The following RNLS variants were observed in gnomAD, a reference collection of about 807,000 sequenced individuals.
RNLS encodes renalase.
A neutral mutation model predicts 39.8 loss-of-function variants in RNLS; 39 were observed. The observed-to-expected ratio is 0.98, with a 90% confidence interval of 0.76 to 1.28. The LOEUF (loss-of-function observed/expected upper bound fraction) is 1.28. Among genes scored for constraint, RNLS ranks in the 50% most tolerant of loss-of-function variants. The pLI, the probability that RNLS is intolerant of heterozygous loss-of-function variation, is 0.00. For synonymous variants in RNLS, 147 were observed against 150.7 expected (o/e 0.98, Z 0.18); for missense variants, 410 against 413.3 (o/e 0.99, Z 0.07).
intron 5 of RNLS, among the ~76,000 whole-genome samples, chr10:88,358,564 T>C (rs1013530000): frequency 1.3e-5 from 2 of 152,236 alleles, no homozygotes; most frequent in African/African-American, 2.4e-5. Context: ...GCAAATTTAT[T>C]TGATGACAGA....
the RNLS span, among the ~76,000 whole-genome samples, chr10:88,205,833 A>C: frequency 6.6e-6 from 1 of 152,184 alleles, no homozygotes; most frequent in Admixed American, 6.5e-5. Context: ...GAGGAGATGA[A>C]GGAGACTCAG....
intron 4 of RNLS, among the ~76,000 whole-genome samples, chr10:88,571,039 A>T (rs1040851463): frequency 6.8e-6 from 1 of 147,896 alleles, no homozygotes; most frequent in East Asian, 2.0e-4. Flanking sequence ...GCTAGAGGGC[A>T]GTGGCACAGT....
intron 4 of RNLS, among the ~76,000 whole-genome samples, chr10:88,572,374 T>C (rs780498837): frequency 7.5e-6 from 1 of 133,272 alleles, no homozygotes; most frequent in Non-Finnish European, 1.6e-5. Context: ...CTTTGACTTT[T>C]AGTTCCTTTA....
chr10:88,264,575 TGTTGTGCATTTTTCA>T, the RNLS span, among the ~76,000 whole-genome samples: 3 of 152,228 alleles, frequency 2.0e-5, no homozygotes, highest in African/African-American at 4.8e-5. Flanking sequence ...TCATTAGTGA[TGTTGTGCATTTTTCA>T]GTTGTGCATT....
At chr10:88,480,787 T>TTG (rs60584908) in intron 4 of RNLS, among the ~76,000 whole-genome samples, 53,327 of 147,436 alleles carry the variant, frequency 0.36, 9,605 homozygotes, top group East Asian at 0.52. Context: ...TCCTGTGTCT[T>TTG]TGTGTGTGTG....
intron 4 of RNLS, among the ~76,000 whole-genome samples, chr10:88,420,177 T>G (rs1213587755): frequency 6.6e-6 from 1 of 152,070 alleles, no homozygotes; most frequent in East Asian, 1.9e-4. Context: ...GGAGGGCTAG[T>G]ATATAATAGG....
chr10:88,395,726 C>A (rs771946661), intron 4 of RNLS, among the ~76,000 whole-genome samples: 35 of 151,974 alleles, frequency 2.3e-4, no homozygotes, highest in Non-Finnish European at 4.4e-4. Flanking sequence ...AATCATGAAT[C>A]TACATCCAAC....
At chr10:88,534,950 C>T (rs1319968810) in intron 4 of RNLS, among the ~76,000 whole-genome samples, 1 of 151,852 alleles carries the variant, frequency 6.6e-6, no homozygotes, top group Non-Finnish European at 1.5e-5. Context: ...ACCTTGGAGA[C>T]AGAAAAAATC....
At chr10:88,307,334 G>A (rs751822265) in intron 6 of RNLS, among the ~76,000 whole-genome samples, 3 of 152,164 alleles carry the variant, frequency 2.0e-5, no homozygotes, top group Non-Finnish European at 4.4e-5. Context: ...GGGCAATCAG[G>A]CAAGAGAAAG....
At chr10:88,370,340 G>A (rs999569250) in intron 4 of RNLS, among the ~76,000 whole-genome samples, 1 of 152,060 alleles carries the variant, frequency 6.6e-6, no homozygotes, top group African/African-American at 2.4e-5. Context: ...GTGTATCAAG[G>A]TATTTATTAC....
chr10:88,498,725 T>C (rs1210599677), intron 4 of RNLS, among the ~76,000 whole-genome samples: 3 of 151,970 alleles, frequency 2.0e-5, no homozygotes, highest in African/African-American at 4.8e-5. Context: ...GTGTCACTTC[T>C]ACAAATTACT....
At chr10:88,172,874 T>TTTTTTTTTTTTG in the RNLS span, among the ~76,000 whole-genome samples, 1 of 126,202 alleles carries the variant, frequency 7.9e-6, no homozygotes, top group Non-Finnish European at 1.6e-5. Context: ...TTTTTTTTTT[T>TTTTTTTTTTTTG]TAGATGGAGT....
Position 88,274,003 on chromosome 10 carries a change from T to C in RNLS, c.*958A>G, listed in dbSNP as rs372095171. The C allele has an allele frequency of 3.3e-5, 5 of 152,334 alleles. 1 individual carries two copies. Among genetic ancestry groups the C allele is most frequent in the African/African-American group, 7.2e-5 (3 of 41,578 alleles). 9.4% of individuals were successfully genotyped at this position (152,334 alleles called of 1,614,324 possible). A position where few individuals can be genotyped will look rare whatever the true frequency, so the allele number is the denominator to read the frequency against. ...ATGAGGCAAAACATGTTCATATATATTTGTGTGTGTGTATTTTTTCCCATT... is the reference window on the plus strand; with the variant it reads ...ATGAGGCAAAACATGTTCATATATACTTGTGTGTGTGTATTTTTTCCCATT... On this transcript the variant is annotated 3_prime_UTR_variant, in exon 7 of 7. Transcript: ENST00000371947.
the RNLS span, among the ~76,000 whole-genome samples, chr10:88,181,022 C>T: frequency 6.6e-6 from 1 of 152,096 alleles, no homozygotes; most frequent in African/African-American, 2.4e-5. Context: ...TGCCCTAATC[C>T]CTGGAATCTG....
chr10:88,281,926 G>A (rs1398976643), downstream of RNLS, among the ~76,000 whole-genome samples: 5 of 151,994 alleles, frequency 3.3e-5, no homozygotes, highest in Non-Finnish European at 7.4e-5. Flanking sequence ...GGCAGAAACT[G>A]GAAGAAAAGA....
chr10:88,175,497 A>T, the RNLS span, among the ~76,000 whole-genome samples: 2 of 151,932 alleles, frequency 1.3e-5, no homozygotes, highest in South Asian at 4.1e-4. Context: ...TTCTTCATTG[A>T]CTCATTGGTT....
the RNLS span, among the ~76,000 whole-genome samples, chr10:88,232,514 C>T: frequency 2.0e-5 from 3 of 152,274 alleles, no homozygotes; most frequent in East Asian, 5.8e-4. Flanking sequence ...CTCTTGGGCT[C>T]AAGGGATCCT....
chr10:88,197,816 G>T, the RNLS span, among the ~76,000 whole-genome samples: 7 of 152,230 alleles, frequency 4.6e-5, no homozygotes, highest in Non-Finnish European at 7.3e-5. Context: ...GAAAGGCCGT[G>T]TGTAGGCATA....
chr10:88,554,631 C>G (rs1848762319), intron 4 of RNLS, among the ~76,000 whole-genome samples: 1 of 151,892 alleles, frequency 6.6e-6, no homozygotes, highest in African/African-American at 2.4e-5. Flanking sequence ...AAGAGGACTT[C>G]CACAGGCCCT....
Sources: gnomAD v4.1 joint callset for allele counts (sites outside exome capture counted in the v4.1 genomes callset) on GRCh38, gnomAD v4.1.1 for gene constraint, MANE v1.5 for transcripts, NCBI Gene and HGNC (gene_info 2026-07-23, HGNC 2026-07-21) for gene names.